ZNF536: variants seen among roughly 807,000 people sequenced by gnomAD.
ZNF536 encodes the protein zinc finger protein 536.
In ZNF536, 13 loss-of-function variants were observed where a neutral mutation model predicts 84.5. The observed-to-expected ratio is 0.15, with a 90% CI of 0.10 to 0.24. The LOEUF is 0.24. Ranked by LOEUF, ZNF536 falls within the 10% of genes least tolerant of loss-of-function variation. The pLI, the probability that ZNF536 is intolerant of heterozygous loss-of-function variation, is 1.00. For synonymous variants in ZNF536, 811 were observed against 742.5 expected, an observed-to-expected ratio of 1.09 and a Z score of -1.50; for missense variants, 1,536 against 1,747.5, an observed-to-expected ratio of 0.88 and a Z score of 2.16.
At chr19:30,644,665 C>T (rs555026901) in intron 1 of ZNF536, among the ~76,000 whole-genome samples, 223 of 152,140 alleles carry the variant, frequency 1.5e-3, no homozygotes, top group Non-Finnish European at 2.6e-3. Context: ...TGGTTTCCAG[C>T]TTCATCCATG....
intron 2 of ZNF536, among the ~76,000 whole-genome samples, chr19:30,479,184 C>T (rs1049914865): frequency 1.3e-5 from 2 of 152,142 alleles, no homozygotes; most frequent in South Asian, 2.1e-4. Flanking sequence ...GGAGCTCAAT[C>T]GGTGTTGGGC....
Position 30,557,516 on chromosome 19 carries a change from G to A in ZNF536, c.*352G>A. 1.4e-5 allele frequency: 3 copies of A among 209,968 alleles called. No homozygotes were observed. The highest frequency in any genetic ancestry group is 2.7e-4 in the South Asian group (2 of 7,284). The allele number at this position is 209,968 out of a possible 1,614,324, so 13.0% of individuals were successfully genotyped here. ...TCACCTGTGGACAACCTGGCTGGGG[G>A]TGGGGGGCTGTTCCACCAGCTCACC... On this transcript the variant is annotated 3_prime_UTR_variant, in exon 5 of 5. Transcript: ENST00000355537.
intron 2 of ZNF536, among the ~76,000 whole-genome samples, chr19:30,496,030 A>G (rs1371660845): frequency 6.6e-6 from 1 of 152,222 alleles, no homozygotes; most frequent in East Asian, 1.9e-4. Flanking sequence ...TGCCTGGCAC[A>G]TAGTAGGTAC....
intron 1 of ZNF536, among the ~76,000 whole-genome samples, chr19:30,704,924 CTTT>C (rs60002455): frequency 7.0e-6 from 1 of 141,966 alleles, no homozygotes. Context: ...GAGCTCAGCA[CTTT>C]TTTTTTTTTT....
chr19:30,662,899 T>C (rs773656327), intron 1 of ZNF536, among the ~76,000 whole-genome samples: 10 of 151,004 alleles, frequency 6.6e-5, no homozygotes, highest in Non-Finnish European at 1.2e-4. Context: ...TAATAAGTCC[T>C]CCTTAAAGAA....
At chr19:30,595,255 A>C (rs1465985844) in intron 1 of ZNF536, among the ~76,000 whole-genome samples, 3 of 152,008 alleles carry the variant, frequency 2.0e-5, no homozygotes, top group African/African-American at 7.2e-5. Context: ...ATCACTTGGG[A>C]GCTGGCAACA....
intron 3 of ZNF536, among the ~76,000 whole-genome samples, chr19:30,361,873 G>C (rs997555468): frequency 2.0e-5 from 3 of 152,196 alleles, no homozygotes; most frequent in South Asian, 2.1e-4. Flanking sequence ...CTGTGACTTT[G>C]CCTTTTGTTT....
intron 2 of ZNF536, among the ~76,000 whole-genome samples, chr19:30,459,069 G>A (rs1041232029): frequency 3.3e-5 from 5 of 152,214 alleles, no homozygotes; most frequent in Non-Finnish European, 4.4e-5. Context: ...AAATGAGGAC[G>A]ATGGTAGTGT....
downstream of ZNF536, among the ~76,000 whole-genome samples, chr19:30,559,962 T>C (rs1185482241): frequency 6.6e-6 from 1 of 152,124 alleles, no homozygotes; most frequent in Non-Finnish European, 1.5e-5. Context: ...CTCATTCTCC[T>C]GCTTTTATGA....
chr19:30,314,990 C>T (rs775572250), intron 2 of ZNF536, among the ~76,000 whole-genome samples: 12 of 152,160 alleles, frequency 7.9e-5, no homozygotes, highest in South Asian at 4.1e-4. Flanking sequence ...TGTGGCCCAC[C>T]GGGTCCTCCT....
chr19:30,367,772 C>T (rs2048484127), upstream of ZNF536, among the ~76,000 whole-genome samples: 1 of 152,250 alleles, frequency 6.6e-6, no homozygotes, highest in African/African-American at 2.4e-5. Context: ...TGGCTCCTGG[C>T]CTCACAGATC....
chr19:30,448,047 C>G (rs1008597323), intron 2 of ZNF536, among the ~76,000 whole-genome samples: 2 of 152,192 alleles, frequency 1.3e-5, no homozygotes, highest in African/African-American at 4.8e-5. Flanking sequence ...AAGAACCAAC[C>G]GTGCTCATGA....
intron 1 of ZNF536, among the ~76,000 whole-genome samples, chr19:30,588,262 C>T (rs563712977): frequency 1.4e-3 from 217 of 152,326 alleles, no homozygotes; most frequent in African/African-American, 4.9e-3. Context: ...TGAGCATCAC[C>T]ACGGCAGTGG....
At chr19:30,323,870 C>T (rs893294657) in intron 2 of ZNF536, among the ~76,000 whole-genome samples, 1 of 152,178 alleles carries the variant, frequency 6.6e-6, no homozygotes, top group Non-Finnish European at 1.5e-5. Flanking sequence ...TCTGCTCAAC[C>T]ACTCCTGTCT....
Position 30,485,101 on chromosome 19 carries a change from G to A in ZNF536, c.2170+39369G>A, listed in dbSNP as rs868405882. Among the ~76,000 whole-genome samples, 7 of 151,936 alleles carry A rather than the reference G, an allele frequency of 4.6e-5. No homozygotes were observed. The South Asian group carries it at 6.2e-4, about 14-fold the overall frequency. ...AGAGCTTTCAGTGAGCAGAGATCGC[G>A]CCACTGCACTCCAGCCTGGGCGACA... is the stretch of plus-strand genomic sequence containing the variant. On this transcript the variant is annotated intron_variant, in intron 2 of 4. Transcript: ENST00000355537.
Position 30,318,669 on chromosome 19 carries a change from G to A in ZNF536, c.-119-33699G>A, listed in dbSNP as rs181212455. Among the ~76,000 whole-genome samples, 709 of 152,370 alleles carry A rather than the reference G, an allele frequency of 4.7e-3. 3 individuals are homozygous for A. The highest frequency in any genetic ancestry group is 0.014 in the Middle Eastern group (4 of 294). On this transcript the variant is annotated intron_variant, in intron 2 of 5. Coordinates refer to the ZNF536 transcript ENST00000585628. ...TGTGCGCATGAGTCTGTGCATACAC[G>A]TGTGTTTGCATGTGTGTGCATGGCG...
At chr19:30,329,885 G>T (rs1042289545) in intron 2 of ZNF536, among the ~76,000 whole-genome samples, 5 of 152,158 alleles carry the variant, frequency 3.3e-5, no homozygotes, top group African/African-American at 1.2e-4. Flanking sequence ...AATCAGAATT[G>T]ATTTGGGAAT....
intron 2 of ZNF536, among the ~76,000 whole-genome samples, chr19:30,447,370 T>C (rs1011641183): frequency 2.0e-5 from 3 of 152,212 alleles, no homozygotes; most frequent in African/African-American, 7.2e-5. Context: ...CTCTGCCGGC[T>C]TATTACAAAC....
intron 2 of ZNF536, among the ~76,000 whole-genome samples, chr19:30,446,841 A>ACAACAC (rs150427729): frequency 0.039 from 5,671 of 146,976 alleles, 219 homozygotes; most frequent in African/African-American, 0.1. Context: ...AACAACAACA[A>ACAACAC]AACACGCTAG....
Sources: gnomAD v4.1 joint callset for allele counts (sites outside exome capture counted in the v4.1 genomes callset) on GRCh38, gnomAD v4.1.1 for gene constraint, MANE v1.5 for transcripts, NCBI Gene and HGNC (gene_info 2026-07-23, HGNC 2026-07-21) for gene names.